The following TANC2 variants were observed in gnomAD, a reference collection of about 807,000 sequenced individuals.
The protein encoded by TANC2 is tetratricopeptide repeat, ankyrin repeat and coiled-coil containing 2, also known as protein TANC2.
TANC2 carries 26 observed loss-of-function variants against 210.5 expected under a neutral mutation model. The observed-to-expected ratio is 0.12, with a 90% confidence interval of 0.09 to 0.17. TANC2 has a LOEUF of 0.17. Ranked by LOEUF, TANC2 falls within the 10% of genes least tolerant of loss-of-function variation. The probability of loss-of-function intolerance (pLI) is 1.00; values close to 1 mark genes in which losing one functional copy is unlikely to be tolerated. For missense variants in TANC2, 2,129 were observed against 2,608.9 expected (o/e 0.82, Z 4.01); for synonymous variants, 931 against 967.1 (o/e 0.96, Z 0.69).
At chr17:63,119,053 A>C (rs2038361710) in intron 4 of TANC2, among the ~76,000 whole-genome samples, 1 of 152,086 alleles carries the variant, frequency 6.6e-6, no homozygotes, top group African/African-American at 2.4e-5. Context: ...AAGTGCTGGG[A>C]TTACAGGAGT....
intron 8 of TANC2, among the ~76,000 whole-genome samples, chr17:63,258,203 C>A (rs1381654851): frequency 6.6e-6 from 1 of 152,102 alleles, no homozygotes; most frequent in Non-Finnish European, 1.5e-5. Context: ...TGTAAGGTTT[C>A]CACTGAGAAG....
chr17:63,257,725 A>G (rs2043237988), intron 8 of TANC2, among the ~76,000 whole-genome samples: 2 of 152,226 alleles, frequency 1.3e-5, no homozygotes, highest in South Asian at 4.1e-4. Flanking sequence ...GGCAAAAACA[A>G]ACCAACTAAT....
At chr17:63,264,427 C>T (rs1445128456) in intron 8 of TANC2, among the ~76,000 whole-genome samples, 1 of 152,162 alleles carries the variant, frequency 6.6e-6, no homozygotes, top group African/African-American at 2.4e-5. Context: ...GCAGAGATAA[C>T]CAGTAGCTCC....
chr17:63,341,005 G>C (rs1195403221), intron 12 of TANC2, among the ~76,000 whole-genome samples: 3 of 152,164 alleles, frequency 2.0e-5, no homozygotes, highest in Admixed American at 6.5e-5. Context: ...AATGGTACCT[G>C]CCTTCTTAAG....
chr17:63,095,667 T>C (rs1468449668), intron 3 of TANC2, among the ~76,000 whole-genome samples: 1 of 152,146 alleles, frequency 6.6e-6, no homozygotes, highest in Non-Finnish European at 1.5e-5. Context: ...CTAGATCAGC[T>C]GACTCAGAGT....
At chr17:63,149,127 G>C (rs939094142) in intron 4 of TANC2, 5 of 152,150 alleles carry the variant, frequency 3.3e-5, no homozygotes, top group Admixed American at 6.5e-5. Flanking sequence ...AAATAAAGAA[G>C]TTGGTATACA....
intron 5 of TANC2, among the ~76,000 whole-genome samples, chr17:63,175,316 T>C (rs2040537783): frequency 6.6e-6 from 1 of 151,978 alleles, no homozygotes; most frequent in African/African-American, 2.4e-5. Context: ...TGCTTAAACC[T>C]AGGAGTTTGT....
At chr17:63,239,262 A>G (rs1223396200) in intron 8 of TANC2, among the ~76,000 whole-genome samples, 1 of 152,134 alleles carries the variant, frequency 6.6e-6, no homozygotes, top group African/African-American at 2.4e-5. Flanking sequence ...TATTTTTACT[A>G]CAGCTAAATT....
At chr17:63,288,700 C>T (rs892545422) in intron 9 of TANC2, among the ~76,000 whole-genome samples, 5 of 152,060 alleles carry the variant, frequency 3.3e-5, no homozygotes, top group African/African-American at 9.7e-5. Context: ...AATACCCCTC[C>T]CTGTTCCTAA....
chr17:63,284,277 T>C (rs1444753684), intron 9 of TANC2, among the ~76,000 whole-genome samples: 1 of 152,042 alleles, frequency 6.6e-6, no homozygotes, highest in Non-Finnish European at 1.5e-5. Context: ...TAACTTCGCA[T>C]TCCTAAGAGA....
chr17:63,067,949 C>G (rs146416086), intron 2 of TANC2, among the ~76,000 whole-genome samples: 2 of 152,282 alleles, frequency 1.3e-5, no homozygotes, highest in African/African-American at 4.8e-5. Flanking sequence ...CACAAGTTTA[C>G]AGATTCAGGA....
At chr17:62,992,536 A>G (rs147673749) in intron 1 of TANC2, among the ~76,000 whole-genome samples, 218 of 152,348 alleles carry the variant, frequency 1.4e-3, no homozygotes, top group African/African-American at 5.1e-3. Context: ...TTACTGTAAG[A>G]AAAAGTGTAG....
intron 12 of TANC2, among the ~76,000 whole-genome samples, chr17:63,346,241 C>G (rs1438073926): frequency 6.6e-6 from 1 of 152,086 alleles, no homozygotes. Flanking sequence ...CAAAGTATCA[C>G]TAATTATATA....
chr17:63,215,032 G>C (rs1466096457), intron 7 of TANC2, among the ~76,000 whole-genome samples: 1 of 152,152 alleles, frequency 6.6e-6, no homozygotes, highest in African/African-American at 2.4e-5. Context: ...AGACCATAAT[G>C]CATGCTCATT....
intron 2 of TANC2, among the ~76,000 whole-genome samples, chr17:63,013,225 A>G (rs953364808): frequency 1.1e-4 from 16 of 151,046 alleles, no homozygotes; most frequent in African/African-American, 3.2e-4. Context: ...AGTGGATGCT[A>G]CTCTTCCTGG....
chr17:63,064,979 C>T (rs182742547), intron 2 of TANC2, among the ~76,000 whole-genome samples: 6 of 151,946 alleles, frequency 3.9e-5, no homozygotes, highest in South Asian at 4.2e-4. Flanking sequence ...AATAGATTTC[C>T]GGCACCCATT....
rs565533248 is a variant in TANC2 at position 63,365,674 on chromosome 17, T to A, written c.2582+10284T>A. ...TCTTATTCACAATTTTCTGCCAGTT[T>A]TTAGAACTTGCACTTTCCCACCTCT... On this transcript the variant is annotated intron_variant, in intron 14 of 27. Coordinates refer to ENST00000689528, the Ensembl canonical transcript of TANC2. 2.6e-5 allele frequency among the ~76,000 whole-genome samples: 4 copies of A among 152,236 alleles called. No homozygotes were observed. The East Asian group carries it at 7.7e-4, about 29-fold the overall frequency.
At chr17:63,313,644 T>C (rs2045206581) in intron 9 of TANC2, 1 of 152,274 alleles carries the variant, frequency 6.6e-6, no homozygotes. Context: ...ACAGAGACAC[T>C]GGGTGAAGGC....
chr17:62,972,368 C>T (rs758356809), intron 1 of TANC2, among the ~76,000 whole-genome samples: 4 of 152,110 alleles, frequency 2.6e-5, no homozygotes, highest in South Asian at 4.1e-4. Flanking sequence ...TTTTCTTCCC[C>T]GTAATATCAA....
Sources: gnomAD v4.1 joint callset for allele counts (sites outside exome capture counted in the v4.1 genomes callset) on GRCh38, gnomAD v4.1.1 for gene constraint, MANE v1.5 for transcripts, NCBI Gene and HGNC (gene_info 2026-07-23, HGNC 2026-07-21) for gene names.